Variants in KCNA2 observed in about 807,000 individuals in gnomAD.
The protein encoded by KCNA2 is potassium channel, voltage gated shaker related subfamily A, member 2.
KCNA2 carries 11 observed loss-of-function variants against 33.4 expected under a neutral mutation model. The ratio of observed to expected loss-of-function variants is 0.33; its 90% CI spans 0.21 to 0.55. The LOEUF (loss-of-function observed/expected upper bound fraction) is 0.55. Ranked by LOEUF, KCNA2 falls within the 20% of genes least tolerant of loss-of-function variation. KCNA2 has a pLI of 0.93. For synonymous variants in KCNA2, 222 were observed against 231.3 expected, an observed-to-expected ratio of 0.96 and a Z score of 0.37; for missense variants, 291 against 621.6, an observed-to-expected ratio of 0.47 and a Z score of 5.66.
rs540702439 is a variant in KCNA2 at position 110,597,637 on chromosome 1, C to T, written c.*5646G>A. ...GGTCAGATCTCAAGAGGACAGGAGT[C>T]ATGTGAACACGTGGGAAGAAGAAGA... On this transcript the variant is annotated 3_prime_UTR_variant, in exon 3 of 3. Transcript: ENST00000316361. 6 of 985,372 alleles carry T rather than the reference C, an allele frequency of 6.1e-6. No homozygotes were observed. The East Asian group carries it at 5.7e-4, about 93-fold the overall frequency. 61.0% of individuals were successfully genotyped at this position (985,372 alleles called of 1,614,324 possible). A position where few individuals can be genotyped will look rare whatever the true frequency, so the allele number is the denominator to read the frequency against.
chr1:110,612,754 G>A (rs1447842642), intron 1 of KCNA2, among the ~76,000 whole-genome samples: 1 of 152,176 alleles, frequency 6.6e-6, no homozygotes, highest in African/African-American at 2.4e-5. Flanking sequence ...CCTAAAAAGC[G>A]AGCAAAGCCT....
At chr1:110,613,123 T>C (rs1649932750) in intron 1 of KCNA2, among the ~76,000 whole-genome samples, 1 of 152,322 alleles carries the variant, frequency 6.6e-6, no homozygotes, top group Admixed American at 6.5e-5. Flanking sequence ...TGTTTCTGCT[T>C]TGACTCCAGC....
intron 1 of KCNA2, among the ~76,000 whole-genome samples, chr1:110,630,305 G>T (rs934481223): frequency 6.6e-6 from 1 of 152,040 alleles, no homozygotes; most frequent in African/African-American, 2.4e-5. Flanking sequence ...ACAGGTGTGA[G>T]CCACCACACC....
At chr1:110,608,161 C>T (rs965891884), upstream of KCNA2, 1 of 152,288 alleles carries the variant, frequency 6.6e-6, no homozygotes, top group African/African-American at 2.4e-5. Flanking sequence ...AGGAGTGCAG[C>T]TTACAGCACC....
rs1247106650 is a variant in KCNA2, at chr1:110,598,759, GAGA to G, written c.*4521_*4523del. 3.0e-6 allele frequency: 3 copies of G among 985,354 alleles called. No individual in the cohort carries two copies. Among genetic ancestry groups the G allele is most frequent in the East Asian group, 2.3e-4 (2 of 8,800 alleles). 61.0% of individuals were successfully genotyped at this position (985,354 alleles called of 1,614,324 possible). A position where few individuals can be genotyped will look rare whatever the true frequency, so the allele number is the denominator to read the frequency against. Reference sequence around the variant, plus strand: ...CAGGTGAGAGGGACAGAGGCAAGCAGAGAAGAAGGAAGAGAGCATGTCAAATAT... The same window carrying G: ...CAGGTGAGAGGGACAGAGGCAAGCAGAGAAGGAAGAGAGCATGTCAAATAT... On this transcript the variant is annotated 3_prime_UTR_variant, in exon 3 of 3. Coordinates refer to ENST00000316361, the MANE Select transcript of KCNA2 (RefSeq NM_004974.4).
chr1:110,614,566 TTC>T (rs1416613938), intron 1 of KCNA2, among the ~76,000 whole-genome samples: 1 of 152,228 alleles, frequency 6.6e-6, no homozygotes, highest in Admixed American at 6.5e-5. Flanking sequence ...GCCTGCCAGT[TTC>T]TGTCCTGACT....
rs548434239 is a variant in KCNA2 at position 110,629,473 on chromosome 1, T to C, written c.-496+1922A>G. Among the ~76,000 whole-genome samples the C allele has an allele frequency of 2.0e-5, 3 of 152,352 alleles. No individual in the cohort carries two copies. The East Asian group carries it at 5.8e-4, about 29-fold the overall frequency. ...TTATCAAAGGATCTGGTGTGATAGC[T>C]GGAATTTGTCCAGATGCTGTTAACG... On this transcript the variant is annotated intron_variant, in intron 1 of 4. Transcript: ENST00000369770.
rs372016844 is a variant in KCNA2 at position 110,595,424 on chromosome 1, G to C, written c.*7859C>G. Reference sequence around the variant, plus strand: ...TCTGGGTTATGGGCTTCTGCTGCCTGATCACAACTAACATAGCCAGACTGG... The same window carrying C: ...TCTGGGTTATGGGCTTCTGCTGCCTCATCACAACTAACATAGCCAGACTGG... On this transcript the variant is annotated 3_prime_UTR_variant, in exon 3 of 3. Coordinates refer to ENST00000316361, the MANE Select transcript of KCNA2 (RefSeq NM_004974.4). The C allele has an allele frequency of 1.7e-4, 165 of 985,362 alleles. No homozygotes were observed. Among genetic ancestry groups the C allele is most frequent in the Non-Finnish European group, 1.9e-4 (161 of 829,976 alleles). 61.0% of individuals were successfully genotyped at this position (985,362 alleles called of 1,614,324 possible).
rs1353727354 is a variant in KCNA2 at position 110,599,331 on chromosome 1, A to G, written c.*3952T>C. ...AAGTATTTAAATATGGCCTTAGAAT[A>G]TAGGATAAAGTCAGGCCCTCTAAAA... is the stretch of plus-strand genomic sequence containing the variant. On this transcript the variant is annotated 3_prime_UTR_variant, in exon 3 of 3. Transcript: ENST00000316361. 1.0e-6 allele frequency: 1 copy of G among 984,682 alleles called. No individual in the cohort carries two copies. Among genetic ancestry groups the G allele is most frequent in the African/African-American group, 1.7e-5 (1 of 57,218 alleles). The allele number at this position is 984,682 out of a possible 1,614,324, so 61.0% of individuals were successfully genotyped here.
In KCNA2 at chr1:110,597,685, C is replaced by T; in HGVS notation, c.*5598G>A. On this transcript the variant is annotated 3_prime_UTR_variant, in exon 3 of 3. Coordinates refer to ENST00000316361, the MANE Select transcript of KCNA2 (RefSeq NM_004974.4). ...AGAAACTACAGAGACTGTGAATGAG[C>T]CCCCAGAAGTCAAGGGCATTATCTG... is the stretch of plus-strand genomic sequence containing the variant. The T allele has an allele frequency of 1.0e-6, 1 of 985,368 alleles. No individual in the cohort carries two copies. The highest frequency in any genetic ancestry group is 1.2e-6 in the Non-Finnish European group (1 of 829,908). The allele number at this position is 985,368 out of a possible 1,614,324, so 61.0% of individuals were successfully genotyped here.
rs1649264342 is a variant in KCNA2 at position 110,599,926 on chromosome 1, G to A, written c.*3357C>T. 2.0e-6 allele frequency: 2 copies of A among 985,382 alleles called. No individual in the cohort carries two copies. The highest frequency in any genetic ancestry group is 1.2e-6 in the Non-Finnish European group (1 of 829,936). The allele number at this position is 985,382 out of a possible 1,614,324, so 61.0% of individuals were successfully genotyped here. The stretch of plus-strand genomic sequence containing the variant: ...CCCTGCACCCAGGTTTCTGGTGGGA[G>A]GAAGGTGAATTGGTAGAGACCCCAT... On this transcript the variant is annotated 3_prime_UTR_variant, in exon 3 of 3. Coordinates refer to ENST00000316361, the MANE Select transcript of KCNA2 (RefSeq NM_004974.4).
rs1649040151 is a variant in KCNA2, at chr1:110,595,106, C to A, written c.*8177G>T. 3 of 985,258 alleles carry A rather than the reference C, an allele frequency of 3.0e-6. No individual in the cohort carries two copies. The Admixed American group carries it at 1.8e-4, about 61-fold the overall frequency. The allele number at this position is 985,258 out of a possible 1,614,324, so 61.0% of individuals were successfully genotyped here. A position where few individuals can be genotyped will look rare whatever the true frequency, so the allele number is the denominator to read the frequency against. ...TCAGAAAGACACCAGACTGAGTCCT[C>A]TGGATAGCTACCAAGGGTCCTAGCA... On this transcript the variant is annotated 3_prime_UTR_variant, in exon 3 of 3. Transcript: ENST00000316361.
chr1:110,612,671 C>T (rs1368554240), intron 1 of KCNA2, among the ~76,000 whole-genome samples: 1 of 152,222 alleles, frequency 6.6e-6, no homozygotes, highest in African/African-American at 2.4e-5. Flanking sequence ...AGAGACCCCA[C>T]TAAAGTGCAG....
Position 110,595,620 on chromosome 1 carries a change from A to G in KCNA2, c.*7663T>C, listed in dbSNP as rs1649061437. On this transcript the variant is annotated 3_prime_UTR_variant, in exon 3 of 3. Coordinates refer to ENST00000316361, the MANE Select transcript of KCNA2 (RefSeq NM_004974.4). ...TGGATCTAACACACTAGCAGGCAAGAGGGAGAATGAGAGCAGGTTTTAGCT... is the reference window on the plus strand; with the variant it reads ...TGGATCTAACACACTAGCAGGCAAGGGGGAGAATGAGAGCAGGTTTTAGCT... 1.0e-6 allele frequency: 1 copy of G among 985,440 alleles called. No individual in the cohort carries two copies. The highest frequency in any genetic ancestry group is 1.2e-6 in the Non-Finnish European group (1 of 829,936). The allele number at this position is 985,440 out of a possible 1,614,324, so 61.0% of individuals were successfully genotyped here.
rs571390863 is a variant in KCNA2, at chr1:110,595,783, T to C, written c.*7500A>G. The C allele has an allele frequency of 3.0e-6, 3 of 985,346 alleles. No homozygotes were observed. In the African/African-American group the frequency reaches 5.2e-5, roughly 17 times the overall value. 61.0% of individuals were successfully genotyped at this position (985,346 alleles called of 1,614,324 possible). A position where few individuals can be genotyped will look rare whatever the true frequency, so the allele number is the denominator to read the frequency against. ...AGAATGGATTTGTTAGTTCCATTGA[T>C]TGCCACAAACCTCACCTTCTGTGTG... On this transcript the variant is annotated 3_prime_UTR_variant, in exon 3 of 3. Coordinates refer to ENST00000316361, the MANE Select transcript of KCNA2 (RefSeq NM_004974.4).
chr1:110,598,713 C>A lies in KCNA2; in HGVS notation c.*4570G>T, dbSNP rs1649207590. ...AAAAGGCTAACCTCATGGTGACATG[C>A]CAACACTAGCCTCAGAAACACAGGT... On this transcript the variant is annotated 3_prime_UTR_variant, in exon 3 of 3. Transcript: ENST00000316361. 3.0e-6 allele frequency: 3 copies of A among 985,310 alleles called. No individual in the cohort carries two copies. The South Asian group carries it at 1.4e-4, about 46-fold the overall frequency. 61.0% of individuals were successfully genotyped at this position (985,310 alleles called of 1,614,324 possible). A position where few individuals can be genotyped will look rare whatever the true frequency, so the allele number is the denominator to read the frequency against.
chr1:110,608,128 G>A (rs1557735288), upstream of KCNA2: 1 of 152,324 alleles, frequency 6.6e-6, no homozygotes, highest in Non-Finnish European at 1.5e-5. Context: ...GCAAAGCCAG[G>A]TGGCCCACAG....
chr1:110,628,561 T>C (rs1650461875), intron 1 of KCNA2, among the ~76,000 whole-genome samples: 3 of 152,218 alleles, frequency 2.0e-5, no homozygotes, highest in Non-Finnish European at 2.9e-5. Context: ...AGACCCATTG[T>C]GTCCATCTCT....
chr1:110,618,817 G>C (rs1650154079), intron 1 of KCNA2, among the ~76,000 whole-genome samples: 2 of 151,948 alleles, frequency 1.3e-5, no homozygotes, highest in African/African-American at 4.8e-5. Flanking sequence ...GGATTCCTAT[G>C]GCCTCTGCCT....
Sources: allele counts gnomAD v4.1 joint callset (sites outside exome capture counted in the v4.1 genomes callset), GRCh38; gene constraint gnomAD v4.1.1; transcripts MANE v1.5; gene names NCBI Gene and HGNC (gene_info 2026-07-23, HGNC 2026-07-21).